NRXN1: variants seen among roughly 807,000 people sequenced by gnomAD.
The protein encoded by NRXN1 is neurexin 1, also known as neurexin-1.
A neutral mutation model predicts 150.9 loss-of-function variants in NRXN1; 39 were observed. The ratio of observed to expected loss-of-function variants is 0.26; its 90% CI spans 0.20 to 0.34. The LOEUF (loss-of-function observed/expected upper bound fraction) is 0.34, where lower values mean the gene tolerates loss of function less well. NRXN1 is among the 10% of genes least tolerant of loss of function. NRXN1 has a pLI of 1.00. For synonymous variants in NRXN1, 924 were observed against 757.0 expected, an observed-to-expected ratio of 1.22 and a Z score of -3.62; for missense variants, 1,815 against 1,949.9, an observed-to-expected ratio of 0.93 and a Z score of 1.30.
intron 5 of NRXN1, among the ~76,000 whole-genome samples, chr2:50,649,229 G>A (rs1351249182): frequency 6.8e-6 from 1 of 147,808 alleles, no homozygotes; most frequent in African/African-American, 2.5e-5. Flanking sequence ...TACAAAATTA[G>A]GTACAAGCAT....
intron 17 of NRXN1, among the ~76,000 whole-genome samples, chr2:50,449,111 C>A (rs2086728936): frequency 6.6e-6 from 1 of 152,130 alleles, no homozygotes; most frequent in Non-Finnish European, 1.5e-5. Context: ...TGGTCAAATT[C>A]ACAATAAATC....
rs1017606429 is a variant in NRXN1, at chr2:51,028,427, T to TTTC, written c.-157_-155dup. On this transcript the variant is annotated 5_prime_UTR_variant, in exon 2 of 23. Transcript: ENST00000401669. The stretch of plus-strand genomic sequence containing the variant: ...GTGCCCTCCTTTATCTAGTTCTTTT[T>TTTC]TTCTTCTTCTTCTTCCAATAACCCC... 6.3e-5 allele frequency: 29 copies of TTTC among 461,724 alleles called. No individual in the cohort carries two copies. The highest frequency in any genetic ancestry group is 8.1e-5 in the Non-Finnish European group (22 of 270,124). The allele number at this position is 461,724 out of a possible 1,614,324, so 28.6% of individuals were successfully genotyped here.
At chr2:51,005,978 A>C (rs1700667494) in intron 2 of NRXN1, among the ~76,000 whole-genome samples, 1 of 151,890 alleles carries the variant, frequency 6.6e-6, no homozygotes, top group East Asian at 2.0e-4. Flanking sequence ...AAAAGCAAGC[A>C]GGGGCAGTCA....
chr2:50,816,451 T>C (rs1167429525), intron 5 of NRXN1, among the ~76,000 whole-genome samples: 1 of 152,168 alleles, frequency 6.6e-6, no homozygotes, highest in Non-Finnish European at 1.5e-5. Flanking sequence ...ACAGCCATCT[T>C]GAAGCTATCT....
At chr2:49,953,632 T>C (rs184851631) in intron 21 of NRXN1, among the ~76,000 whole-genome samples, 2 of 152,250 alleles carry the variant, frequency 1.3e-5, no homozygotes, top group African/African-American at 4.8e-5. Context: ...CTGGTTTCTG[T>C]GTTCTAAACA....
chr2:50,197,545 A>G (rs1315829226), intron 18 of NRXN1, among the ~76,000 whole-genome samples: 1 of 152,046 alleles, frequency 6.6e-6, no homozygotes, highest in Non-Finnish European at 1.5e-5. Flanking sequence ...TTACACTATT[A>G]TATTTTGTGA....
At chr2:50,211,951 C>G (rs1270001142) in intron 18 of NRXN1, among the ~76,000 whole-genome samples, 1 of 151,540 alleles carries the variant, frequency 6.6e-6, no homozygotes, top group East Asian at 1.9e-4. Flanking sequence ...TCTTGCATTT[C>G]CTTTGGCTCA....
In NRXN1 at chr2:50,381,522, AACACACACACACACACACACAC is replaced by A. The variant is rs59726557; in HGVS notation, c.3364+83898_3364+83919del. ...AGTCTAAAGGGGACTCAGGCTTTTA[AACACACACACACACACACACAC>A]ACACACACACACACACACACACACA... is the stretch of plus-strand genomic sequence containing the variant. On this transcript the variant is annotated intron_variant, in intron 17 of 22. Coordinates refer to ENST00000401669, the MANE Select transcript of NRXN1 (RefSeq NM_001330078.2). Among the ~76,000 whole-genome samples, 19 of 128,612 alleles carry A rather than the reference AACACACACACACACACACACAC, an allele frequency of 1.5e-4. 1 individual carries two copies. Among genetic ancestry groups the A allele is most frequent in the East Asian group, 9.8e-4 (4 of 4,070 alleles). The allele number at this position is 128,612 out of a possible 152,430, so 84.4% of individuals were successfully genotyped here. A position where few individuals can be genotyped will look rare whatever the true frequency, so the allele number is the denominator to read the frequency against.
rs549957124 is a variant in NRXN1 at position 50,937,299 on chromosome 2, G to C, written c.773-11344C>G. On this transcript the variant is annotated intron_variant, in intron 2 of 22. Coordinates refer to ENST00000401669, the MANE Select transcript of NRXN1 (RefSeq NM_001330078.2). Reference sequence around the variant, plus strand: ...ATGCCTTTTCCATTCCCCTTCTTTTGTTCAGCTTCTAGCACAGTATGTATA... The same window carrying C: ...ATGCCTTTTCCATTCCCCTTCTTTTCTTCAGCTTCTAGCACAGTATGTATA... Among the ~76,000 whole-genome samples, 6 of 152,048 alleles carry C rather than the reference G, an allele frequency of 3.9e-5. No homozygotes were observed. In the South Asian group the frequency reaches 8.3e-4, roughly 21 times the overall value.
At chr2:50,414,474 C>T (rs2083402013) in intron 17 of NRXN1, among the ~76,000 whole-genome samples, 1 of 151,746 alleles carries the variant, frequency 6.6e-6, no homozygotes, top group African/African-American at 2.4e-5. Flanking sequence ...TTTGTATAAA[C>T]ATACCTTTTT....
At chr2:50,948,319 T>A (rs1690740233) in intron 2 of NRXN1, among the ~76,000 whole-genome samples, 1 of 152,000 alleles carries the variant, frequency 6.6e-6, no homozygotes, top group South Asian at 2.1e-4. Context: ...ATCCAAAATT[T>A]CACAAATGAT....
intron 5 of NRXN1, among the ~76,000 whole-genome samples, chr2:50,841,654 T>C (rs936724561): frequency 3.3e-5 from 5 of 152,226 alleles, no homozygotes; most frequent in African/African-American, 1.2e-4. Flanking sequence ...AACTAAGCAC[T>C]GTTTATTGTT....
At chr2:51,015,754 T>C (rs1208200942) in intron 2 of NRXN1, among the ~76,000 whole-genome samples, 3 of 151,614 alleles carry the variant, frequency 2.0e-5, no homozygotes, top group African/African-American at 4.9e-5. Flanking sequence ...AAATAAAGGG[T>C]GAACAGGACA....
chr2:50,411,723 C>G (rs1191932026), intron 17 of NRXN1, among the ~76,000 whole-genome samples: 1 of 151,592 alleles, frequency 6.6e-6, no homozygotes, highest in East Asian at 2.0e-4. Context: ...CAGCCGCCAC[C>G]CTGTCTGGGA....
At chr2:50,768,777 T>A (rs2105433943) in intron 5 of NRXN1, among the ~76,000 whole-genome samples, 1 of 151,850 alleles carries the variant, frequency 6.6e-6, no homozygotes. Flanking sequence ...TTAGTAAAAT[T>A]ATTTTACATA....
intron 21 of NRXN1, among the ~76,000 whole-genome samples, chr2:50,026,380 A>G (rs1277544748): frequency 6.6e-6 from 1 of 152,198 alleles, no homozygotes; most frequent in Non-Finnish European, 1.5e-5. Flanking sequence ...TTTCATAAAA[A>G]TATGTTCTAT....
chr2:50,503,570 TAA>T (rs70948714), intron 13 of NRXN1, among the ~76,000 whole-genome samples: 31 of 149,654 alleles, frequency 2.1e-4, no homozygotes, highest in Admixed American at 1.0e-3. Context: ...AAAGAAAAAT[TAA>T]AAAAAAAATA....
chr2:51,030,773 G>A (rs1671409804), intron 1 of NRXN1, among the ~76,000 whole-genome samples: 1 of 152,008 alleles, frequency 6.6e-6, no homozygotes, highest in African/African-American at 2.4e-5. Flanking sequence ...TATTTTAAGT[G>A]GACTCAGGAA....
At chr2:49,952,954 G>C (rs1020491012) in intron 21 of NRXN1, among the ~76,000 whole-genome samples, 1 of 152,110 alleles carries the variant, frequency 6.6e-6, no homozygotes, top group African/African-American at 2.4e-5. Flanking sequence ...ATTTAAACAT[G>C]TATTGATCAA....
Sources: gnomAD v4.1 joint callset for allele counts (sites outside exome capture counted in the v4.1 genomes callset) on GRCh38, gnomAD v4.1.1 for gene constraint, MANE v1.5 for transcripts, NCBI Gene and HGNC (gene_info 2026-07-23, HGNC 2026-07-21) for gene names.